Variants in EYS observed in about 807,000 individuals in gnomAD.
EYS encodes EGF-like photoreceptor maintenance factor.
EYS carries 250 observed loss-of-function variants against 282.1 expected under a neutral mutation model. The ratio of observed to expected loss-of-function variants is 0.89; its 90% CI spans 0.80 to 0.98. The LOEUF is 0.98. Among genes scored for constraint, EYS ranks in the 50% least tolerant of loss-of-function variants. The pLI is 0.00. For synonymous variants in EYS, 1,355 were observed against 1,282.9 expected (o/e 1.06, Z -1.20); for missense variants, 4,016 against 3,709.0 (o/e 1.08, Z -2.15).
chr6:64,497,268 T>C (rs760196596), intron 26 of EYS, among the ~76,000 whole-genome samples: 1 of 152,176 alleles, frequency 6.6e-6, no homozygotes, highest in Non-Finnish European at 1.5e-5. Context: ...AGGCCTTGCA[T>C]AGTCAAGAAG....
At chr6:65,451,124 T>C (rs1037174319) in intron 5 of EYS, among the ~76,000 whole-genome samples, 1 of 152,086 alleles carries the variant, frequency 6.6e-6, no homozygotes, top group African/African-American at 2.4e-5. Context: ...TCTAGATTAA[T>C]AGAATTTTTC....
intron 26 of EYS, among the ~76,000 whole-genome samples, chr6:64,465,337 G>A (rs1372881685): frequency 6.6e-6 from 1 of 152,058 alleles, no homozygotes; most frequent in African/African-American, 2.4e-5. Flanking sequence ...AAAGCTGGAG[G>A]CAGCATACTA....
chr6:63,815,052 A>G (rs996976224), intron 36 of EYS, among the ~76,000 whole-genome samples: 7 of 152,172 alleles, frequency 4.6e-5, no homozygotes, highest in Admixed American at 1.3e-4. Flanking sequence ...AGAAACATTG[A>G]GGTTGGAGTG....
At chr6:65,369,661 G>A (rs1765062411) in intron 8 of EYS, among the ~76,000 whole-genome samples, 1 of 151,310 alleles carries the variant, frequency 6.6e-6, no homozygotes, top group Admixed American at 6.8e-5. Flanking sequence ...CAACGATATT[G>A]GCATTTTGGA....
chr6:64,066,307 C>A, intron 33 of EYS, 31 bp downstream of exon 33: 6 of 1,523,260 alleles, frequency 3.9e-6, no homozygotes, highest in Non-Finnish European at 5.3e-6. Flanking sequence ...AATTTCAGCA[C>A]GAAAGAACTA....
intron 31 of EYS, among the ~76,000 whole-genome samples, chr6:64,149,619 G>C (rs1332604391): frequency 1.3e-5 from 2 of 152,166 alleles, no homozygotes; most frequent in South Asian, 2.1e-4. Context: ...GCATTTTAGA[G>C]GTTGTTAAAT....
intron 2 of EYS, among the ~76,000 whole-genome samples, chr6:65,624,108 A>C (rs2149803823): frequency 6.6e-6 from 1 of 152,344 alleles, no homozygotes; most frequent in African/African-American, 2.4e-5. Context: ...CAAGAATCTG[A>C]GAAAATATTT....
At chr6:63,908,441 A>AT (rs981319344) in intron 35 of EYS, among the ~76,000 whole-genome samples, 4 of 151,988 alleles carry the variant, frequency 2.6e-5, no homozygotes, top group Admixed American at 6.6e-5. Context: ...AAAAGGCATT[A>AT]TTTTTGTTTG....
At chr6:64,182,790 T>C (rs1051541839) in intron 31 of EYS, among the ~76,000 whole-genome samples, 92 of 152,146 alleles carry the variant, frequency 6.0e-4, no homozygotes, top group African/African-American at 2.0e-3. Flanking sequence ...GCTCCTGAGA[T>C]TTCATACCAG....
At chr6:64,724,925 A>G (rs1398484516) in intron 22 of EYS, among the ~76,000 whole-genome samples, 1 of 151,924 alleles carries the variant, frequency 6.6e-6, no homozygotes, top group Non-Finnish European at 1.5e-5. Flanking sequence ...AATCTTTTCT[A>G]GTATACCCAA....
At chr6:65,605,633 C>T (rs1765761079) in intron 2 of EYS, among the ~76,000 whole-genome samples, 1 of 151,742 alleles carries the variant, frequency 6.6e-6, no homozygotes, top group Non-Finnish European at 1.5e-5. Flanking sequence ...AAGTATATAA[C>T]ATACATATTT....
At chr6:65,281,244 T>C (rs946201795) in intron 12 of EYS, among the ~76,000 whole-genome samples, 3 of 151,942 alleles carry the variant, frequency 2.0e-5, no homozygotes, top group South Asian at 2.1e-4. Context: ...GTATATTAAT[T>C]TGATATTCAA....
At chr6:63,782,704 T>C (rs952717320) in intron 39 of EYS, among the ~76,000 whole-genome samples, 4 of 152,100 alleles carry the variant, frequency 2.6e-5, no homozygotes, top group Non-Finnish European at 5.9e-5. Flanking sequence ...AAAACCAGCT[T>C]CTGGATTCAT....
intron 2 of EYS, among the ~76,000 whole-genome samples, chr6:65,587,456 G>A (rs990775719): frequency 6.6e-6 from 1 of 152,030 alleles, no homozygotes; most frequent in Non-Finnish European, 1.5e-5. Flanking sequence ...GATGGTTTTT[G>A]TAAGGGGCTT....
chr6:65,471,181 T>C (rs1459442520), intron 5 of EYS, among the ~76,000 whole-genome samples: 2 of 145,250 alleles, frequency 1.4e-5, no homozygotes, highest in Admixed American at 7.3e-5. Flanking sequence ...TGGCATAGAA[T>C]GTTTACAAAA....
chr6:65,463,298 A>G (rs114884424), intron 5 of EYS, among the ~76,000 whole-genome samples: 2,926 of 152,168 alleles, frequency 0.019, 71 homozygotes, highest in African/African-American at 0.057. Context: ...TATTTCCCAA[A>G]CAATTGTCAC....
chr6:64,867,481 C>A (rs192269664), intron 19 of EYS, among the ~76,000 whole-genome samples: 3 of 151,670 alleles, frequency 2.0e-5, no homozygotes, highest in Non-Finnish European at 4.4e-5. Context: ...TCTTGACTAA[C>A]CTATCAGGCA....
intron 12 of EYS, among the ~76,000 whole-genome samples, chr6:65,256,318 T>C (rs1357042393): frequency 2.1e-5 from 3 of 142,892 alleles, no homozygotes; most frequent in Non-Finnish European, 4.5e-5. Flanking sequence ...GTGCACATTG[T>C]GCAGGTTAGT....
chr6:65,665,832 A>G (rs1019685774), intron 1 of EYS, among the ~76,000 whole-genome samples: 4 of 152,108 alleles, frequency 2.6e-5, no homozygotes, highest in Admixed American at 6.5e-5. Flanking sequence ...AGTATGGATA[A>G]ACTTTGTAAA....
Sources: gnomAD v4.1 joint callset for allele counts (sites outside exome capture counted in the v4.1 genomes callset) on GRCh38, gnomAD v4.1.1 for gene constraint, MANE v1.5 for transcripts, NCBI Gene and HGNC (gene_info 2026-07-23, HGNC 2026-07-21) for gene names.